The following CACNA1B variants were observed in gnomAD, a reference collection of about 807,000 sequenced individuals.
CACNA1B encodes calcium voltage-gated channel subunit alpha1 B.
A neutral mutation model predicts 247.2 loss-of-function variants in CACNA1B; 70 were observed. The observed-to-expected ratio is 0.28, with a 90% CI of 0.23 to 0.35. CACNA1B has a LOEUF of 0.35. CACNA1B is among the 10% of genes least tolerant of loss of function. CACNA1B has a pLI of 1.00. For missense variants in CACNA1B, 2,367 were observed against 3,197.4 expected (o/e 0.74, Z 6.26); for synonymous variants, 1,231 against 1,294.4 (o/e 0.95, Z 1.05).
chr9:137,976,105 G>C, intron 12 of CACNA1B, 86 bp downstream of exon 12: 1 of 838,592 alleles, frequency 1.2e-6, no homozygotes, highest in Non-Finnish European at 2.0e-6. Flanking sequence ...TGCCCAGTGT[G>C]GGCTGGGGTC....
chr9:137,936,092 T>C (rs1957664818), intron 6 of CACNA1B, among the ~76,000 whole-genome samples: 1 of 152,142 alleles, frequency 6.6e-6, no homozygotes, highest in South Asian at 2.1e-4. Flanking sequence ...CTCCTGACCT[T>C]GTGATCCGCC....
intron 3 of CACNA1B, among the ~76,000 whole-genome samples, chr9:137,895,898 CT>C (rs1957166358): frequency 6.6e-6 from 1 of 152,130 alleles, no homozygotes; most frequent in African/African-American, 2.4e-5. Context: ...GGCATTGTTA[CT>C]TTGTTCCAAA....
In CACNA1B at chr9:138,059,577, GC is replaced by G; in HGVS notation, c.4585-75del. The G allele has an allele frequency of 1.2e-6, 1 of 867,678 alleles. No homozygotes were observed. The highest frequency in any genetic ancestry group is 2.0e-6 in the Non-Finnish European group (1 of 507,986). The allele number at this position is 867,678 out of a possible 1,614,324, so 53.7% of individuals were successfully genotyped here. The stretch of plus-strand genomic sequence containing the variant: ...CACCCTCACCGCTTTCTTAATCAGG[GC>G]CACCACCTATATATACCTCTTTGCC... On this transcript the variant is annotated intron_variant, in intron 30 of 46. Coordinates refer to ENST00000371372, the MANE Select transcript of CACNA1B (RefSeq NM_000718.4). The surrounding 1 kb of genome is among the most constrained non-coding windows in gnomAD (Gnocchi z 4.2).
At chr9:137,940,148 G>A (rs574641010) in intron 6 of CACNA1B, among the ~76,000 whole-genome samples, 2 of 152,014 alleles carry the variant, frequency 1.3e-5, no homozygotes, top group East Asian at 1.9e-4. Context: ...CTTTGATAAG[G>A]TAAATAAAAT....
At chr9:138,107,186 A>G (rs560337886) in intron 39 of CACNA1B, among the ~76,000 whole-genome samples, 43 of 152,072 alleles carry the variant, frequency 2.8e-4, no homozygotes, top group African/African-American at 9.4e-4. Flanking sequence ...ATCTCAGTCA[A>G]TGCTTAAGCC....
chr9:138,078,198 G>C lies in CACNA1B; in HGVS notation c.5034G>C (p.Glu1678Asp). 1.9e-6 allele frequency: 3 copies of C among 1,613,998 alleles called. No homozygotes were observed. Among genetic ancestry groups the C allele is most frequent in the South Asian group, 2.2e-5 (2 of 91,084 alleles). Residue 1678 changes from glutamate (E) to aspartate (D), a missense_variant, in exon 36 of 47, where the codon GAG becomes GAC. Coordinates refer to ENST00000371372, the MANE Select transcript of CACNA1B (RefSeq NM_000718.4). The stretch of plus-strand genomic sequence containing the variant: ...GTGATGAGCAGGCCAATGCCACCGA[G>C]TGTGGAAGTGACTTTGCCTACTTCT... ...QACDEQANAT[E>D]CGSDFAYFYF...
intron 40 of CACNA1B, among the ~76,000 whole-genome samples, chr9:138,113,196 A>C (rs1453613164): frequency 7.2e-6 from 1 of 139,260 alleles, no homozygotes; most frequent in East Asian, 2.2e-4. Flanking sequence ...GGACGTGCAC[A>C]CCTCCTTCTT....
At chr9:138,029,772 A>G (rs1042753236) in intron 20 of CACNA1B, among the ~76,000 whole-genome samples, 4 of 151,500 alleles carry the variant, frequency 2.6e-5, no homozygotes, top group Non-Finnish European at 5.9e-5. Flanking sequence ...ACCACCACAC[A>G]TGGCTAATTT....
At chr9:138,038,883 C>A (rs973821207) in intron 20 of CACNA1B, among the ~76,000 whole-genome samples, 1 of 152,076 alleles carries the variant, frequency 6.6e-6, no homozygotes, top group African/African-American at 2.4e-5. Context: ...TTTTGGTGGG[C>A]TTTTTAAAAA....
In CACNA1B at chr9:137,946,616, G is replaced by A. The variant is rs373195154; in HGVS notation, c.967-5658G>A. Reference sequence around the variant, plus strand: ...TGAAAAACTGAGAAAAAAAAAAAAAGGGAAAGGACTCAGGTCCCTCATGTG... The same window carrying A: ...TGAAAAACTGAGAAAAAAAAAAAAAAGGAAAGGACTCAGGTCCCTCATGTG... On this transcript the variant is annotated intron_variant, in intron 6 of 46. Transcript: ENST00000371372. 2.8e-3 allele frequency among the ~76,000 whole-genome samples: 423 copies of A among 151,428 alleles called. 3 individuals are homozygous for A. Among genetic ancestry groups the A allele is most frequent in the African/African-American group, 9.6e-3 (396 of 41,112 alleles).
At chr9:137,949,827 A>T (rs1957858555) in intron 6 of CACNA1B, among the ~76,000 whole-genome samples, 1 of 152,134 alleles carries the variant, frequency 6.6e-6, no homozygotes, top group South Asian at 2.1e-4. Context: ...TGATAATCTC[A>T]TCTCAGAGCA....
chr9:137,893,985 G>A (rs1411596113), intron 3 of CACNA1B, among the ~76,000 whole-genome samples: 1 of 152,084 alleles, frequency 6.6e-6, no homozygotes, highest in African/African-American at 2.4e-5. Context: ...GTATAATTTT[G>A]TCATTTCGAT....
At chr9:138,006,643 T>G (rs925807024) in intron 15 of CACNA1B, 124 bp from the exon 16 acceptor site, 2 of 659,168 alleles carry the variant, frequency 3.0e-6, no homozygotes, top group African/African-American at 3.5e-5. Context: ...GACCTGGATG[T>G]GCATGTGTGG....
chr9:138,027,572 A>ATG (rs1197931271), intron 20 of CACNA1B, among the ~76,000 whole-genome samples: 9 of 151,646 alleles, frequency 5.9e-5, no homozygotes, highest in Admixed American at 2.6e-4. Context: ...GGCCTGAGGG[A>ATG]TGTGTGTGTG....
chr9:137,966,310 T>C (rs1589037658), intron 10 of CACNA1B, among the ~76,000 whole-genome samples: 2 of 151,456 alleles, frequency 1.3e-5, no homozygotes, highest in Admixed American at 1.3e-4. Flanking sequence ...CTGCAAGCTC[T>C]GCCTCCCGGG....
In CACNA1B at chr9:138,072,622, C is replaced by T. The variant is rs7869841; in HGVS notation, c.4675-866C>T. Among the ~76,000 whole-genome samples the T allele has an allele frequency of 0.17, 26,561 of 152,230 alleles. 2,838 individuals are homozygous for T. Among genetic ancestry groups the T allele is most frequent in the East Asian group, 0.46 (2,388 of 5,168 alleles). On this transcript the variant is annotated intron_variant, in intron 32 of 46. Coordinates refer to ENST00000371372, the MANE Select transcript of CACNA1B (RefSeq NM_000718.4). This position sits in a 1 kb window ranked among gnomAD's most constrained non-coding sequence, Gnocchi z 4.5. ...TCTAGGTAGACAGAGGGCAGAAAGC[C>T]TCCTGGGTCCACAAGCACCCCCATC... is the stretch of plus-strand genomic sequence containing the variant.
At position 138,121,507 on chromosome 9, in the gene CACNA1B, A is replaced by C. The variant is rs201643001; in HGVS notation, c.6528A>C (p.Thr2176=). 1 of 1,555,020 alleles carries C rather than the reference A, an allele frequency of 6.4e-7. No homozygotes were observed. Among genetic ancestry groups the C allele is most frequent in the Non-Finnish European group, 8.7e-7 (1 of 1,148,984 alleles). The stretch of plus-strand genomic sequence containing the variant: ...TGAATGGGAGCCCCTTGCTGTCAAC[A>C]TCTGGTGCTAGCACCCCCGGCCGCG... The part of the protein sequence containing the change: ...GSVNGSPLLS[T]SGASTPGRGG... The change falls in exon 47 of 47, where the codon ACA becomes ACC. Residue 2176 remains threonine (T), a synonymous_variant. Coordinates refer to ENST00000371372, the MANE Select transcript of CACNA1B (RefSeq NM_000718.4). This position sits in a 1 kb window ranked among gnomAD's most constrained non-coding sequence, Gnocchi z 6.8.
At chr9:138,036,893 C>T (rs749842929) in intron 20 of CACNA1B, among the ~76,000 whole-genome samples, 1 of 152,190 alleles carries the variant, frequency 6.6e-6, no homozygotes, top group Non-Finnish European at 1.5e-5. Context: ...CATTATTACA[C>T]TTAGCAATGT....
chr9:137,905,126 G>A (rs535125960), intron 3 of CACNA1B, among the ~76,000 whole-genome samples: 10 of 152,186 alleles, frequency 6.6e-5, no homozygotes, highest in Admixed American at 2.0e-4. Flanking sequence ...AGGCCGAGGC[G>A]GGTGGATCAC....
Sources: gnomAD v4.1 joint callset for allele counts (sites outside exome capture counted in the v4.1 genomes callset) on GRCh38, gnomAD v4.1.1 for gene constraint, Gnocchi (gnomAD v3.1) non-coding constraint, MANE v1.5 for transcripts, NCBI Gene and HGNC (gene_info 2026-07-23, HGNC 2026-07-21) for gene names.